Variants in XIRP1 observed in about 807,000 individuals in gnomAD.
XIRP1 encodes xin actin-binding repeat-containing protein 1.
For missense variants in XIRP1, 2,378 were observed against 2,345.4 expected, an observed-to-expected ratio of 1.01 and a Z score of -0.29; for synonymous variants, 984 against 947.0, an observed-to-expected ratio of 1.04 and a Z score of -0.72.
At position 39,185,188 on chromosome 3, in the gene XIRP1, C is replaced by A. The variant is rs1249624821; in HGVS notation, c.4258G>T (p.Ala1420Ser). 16 of 1,612,594 alleles carry A rather than the reference C, an allele frequency of 9.9e-6. No individual in the cohort carries two copies. The highest frequency in any genetic ancestry group is 1.4e-5 in the Non-Finnish European group (16 of 1,179,182). The change falls in exon 2 of 2, where the codon GCC (alanine) becomes TCC (serine). Residue 1420 changes from alanine to serine, a missense_variant. Ala to Ser is a moderately conservative substitution (Grantham distance 99). Transcript: ENST00000340369. The stretch of plus-strand genomic sequence containing the variant: ...AGCTTGGGGGGCTCAGAGCTCTGGG[C>A]ATTGCTGCCTGTAGCCTGATTCTTG... ...PTKNQATGSN[A>S]QSSEPPKLNA...
chr3:39,188,954 T>C lies in XIRP1; in HGVS notation c.492A>G (p.Pro164=), dbSNP rs1406990208. 1.2e-6 allele frequency: 2 copies of C among 1,613,564 alleles called. No individual in the cohort carries two copies. The highest frequency in any genetic ancestry group is 1.7e-6 in the Non-Finnish European group (2 of 1,179,970). ...TGGCTTGCCCTGTCAGCTCGTCCAG[T>C]GGCTTTGTCTCAAATAGCCAGCGGG... The part of the protein sequence containing the change: ...RAARWLFETK[P]LDELTGQAKE... The change falls in exon 2 of 2, where the codon CCA becomes CCG. Residue 164 remains proline (P), a synonymous_variant. Coordinates refer to ENST00000340369, the MANE Select transcript of XIRP1 (RefSeq NM_194293.4).
In XIRP1 at chr3:39,185,653, T is replaced by C; in HGVS notation, c.3793A>G (p.Thr1265Ala). ...PPPPTLPAAV[T>A]GPDFPAGAHR... Reference sequence around the variant, plus strand: ...GCTCCAGCTGGAAAGTCAGGTCCTGTCACAGCAGCTGGGAGAGTAGGAGGA... The same window carrying C: ...GCTCCAGCTGGAAAGTCAGGTCCTGCCACAGCAGCTGGGAGAGTAGGAGGA... The change falls in exon 2 of 2, where the codon ACA (threonine) becomes GCA (alanine). Residue 1265 changes from threonine (T) to alanine (A), a missense_variant. Transcript: ENST00000340369. 1 of 1,613,474 alleles carries C rather than the reference T, an allele frequency of 6.2e-7. No homozygotes were observed. Among genetic ancestry groups the C allele is most frequent in the Non-Finnish European group, 8.5e-7 (1 of 1,179,782 alleles).
At position 39,189,506 on chromosome 3, in the gene XIRP1, A is replaced by T. The variant is rs2271487; in HGVS notation, c.-61T>A. On this transcript the variant is annotated 5_prime_UTR_variant, in exon 2 of 2. Transcript: ENST00000340369. ...TTGGGAGCCTTAGATCTAGATGTTC[A>T]GCAGGGTAGAGGCTGGATGCTGGGA... 14 of 1,523,500 alleles carry T rather than the reference A, an allele frequency of 9.2e-6. No homozygotes were observed. The highest frequency in any genetic ancestry group is 1.3e-5 in the South Asian group (1 of 76,138). 94.4% of individuals were successfully genotyped at this position (1,523,500 alleles called of 1,614,324 possible).
In XIRP1 at chr3:39,185,705, C is replaced by A. The variant is rs770016283; in HGVS notation, c.3741G>T (p.Pro1247=). The change falls in exon 2 of 2, where the codon CCG becomes CCT. Residue 1247 remains proline (P), a synonymous_variant. Coordinates refer to ENST00000340369, the MANE Select transcript of XIRP1 (RefSeq NM_194293.4). ...GAGGAACAAAGGCATTATGGGGGTGCGGGCTGGCACCTGCAGCTTGGGGCC... is the reference window on the plus strand; with the variant it reads ...GAGGAACAAAGGCATTATGGGGGTGAGGGCTGGCACCTGCAGCTTGGGGCC... The part of the protein sequence containing the change: ...ASGPQAAGAS[P]HPHNAFVPPP... 1.2e-6 allele frequency: 2 copies of A among 1,610,734 alleles called. No homozygotes were observed. Among genetic ancestry groups the A allele is most frequent in the Non-Finnish European group, 1.7e-6 (2 of 1,178,378 alleles).
chr3:39,187,028 C>T lies in XIRP1; in HGVS notation c.2418G>A (p.Val806=), dbSNP rs1193470844. 3 of 1,609,454 alleles carry T rather than the reference C, an allele frequency of 1.9e-6. No homozygotes were observed. The African/African-American group carries it at 4.0e-5, about 22-fold the overall frequency. The part of the protein sequence containing the change: ...GPGELCLAKY[V]LSGTGQGHPY... ...GGTGCCCCTGCCCTGTGCCCGAGAG[C>T]ACATACTTGGCAAGACAGAGCTCCC... is the stretch of plus-strand genomic sequence containing the variant. Residue 806 remains valine (V), a synonymous_variant, in exon 2 of 2, where the codon GTG becomes GTA. Coordinates refer to ENST00000340369, the MANE Select transcript of XIRP1 (RefSeq NM_194293.4).
chr3:39,189,506 A>G lies in XIRP1; in HGVS notation c.-61T>C, dbSNP rs2271487. The G allele has an allele frequency of 0.41, 622,344 of 1,523,228 alleles. 129,091 individuals carry two copies. The highest frequency in any genetic ancestry group is 0.46 in the African/African-American group (33,354 of 71,988). The allele number at this position is 1,523,228 out of a possible 1,614,324, so 94.4% of individuals were successfully genotyped here. On this transcript the variant is annotated 5_prime_UTR_variant, in exon 2 of 2. Coordinates refer to ENST00000340369, the MANE Select transcript of XIRP1 (RefSeq NM_194293.4). ...TTGGGAGCCTTAGATCTAGATGTTC[A>G]GCAGGGTAGAGGCTGGATGCTGGGA...
chr3:39,187,894 T>A lies in XIRP1; in HGVS notation c.1552A>T (p.Thr518Ser). ...DVQGYRWMFETQPLDQLGRSP... is the reference protein window; with the variant it reads ...DVQGYRWMFESQPLDQLGRSP... ...CGGCCGAGCTGGTCTAGGGGCTGTG[T>A]CTCAAACATCCACCTGTAGCCCTGC... The change falls in exon 2 of 2, where the codon ACA becomes TCA. Residue 518 changes from threonine to serine, a missense_variant. Transcript: ENST00000340369. 6.2e-7 allele frequency: 1 copy of A among 1,614,198 alleles called. No individual in the cohort carries two copies. The highest frequency in any genetic ancestry group is 1.7e-5 in the Admixed American group (1 of 60,028).
chr3:39,189,242 ATTCTT>A lies in XIRP1; in HGVS notation c.199_203del (p.Lys67SerfsTer3). On this transcript the variant is annotated frameshift_variant, in exon 2 of 2. Coordinates refer to ENST00000340369, the MANE Select transcript of XIRP1 (RefSeq NM_194293.4). LOFTEE classifies it low-confidence loss of function (END_TRUNC). ...GATCCTCGGCCACAGCCTCAGCCAG[ATTCTT>A]GCGGAGCTCAGGGTGGATGTGCCTG... is the stretch of plus-strand genomic sequence containing the variant. The A allele has an allele frequency of 6.2e-7, 1 of 1,614,008 alleles. No individual in the cohort carries two copies. Among genetic ancestry groups the A allele is most frequent in the South Asian group, 1.1e-5 (1 of 91,072 alleles).
In XIRP1 at chr3:39,185,746, G is replaced by A; in HGVS notation, c.3700C>T (p.His1234Tyr). Residue 1234 changes from histidine to tyrosine, a missense_variant, in exon 2 of 2, where the codon CAC becomes TAC. Coordinates refer to ENST00000340369, the MANE Select transcript of XIRP1 (RefSeq NM_194293.4). ...GCTTGGGGCCCAGAGGCCAGAATGTGGCGGCCTAGAGGGGCAGTCTTCAGG... is the reference window on the plus strand; with the variant it reads ...GCTTGGGGCCCAGAGGCCAGAATGTAGCGGCCTAGAGGGGCAGTCTTCAGG... ...TTLKTAPLGR[H>Y]ILASGPQAAG... 2 of 1,608,346 alleles carry A rather than the reference G, an allele frequency of 1.2e-6. No homozygotes were observed. The highest frequency in any genetic ancestry group is 1.7e-6 in the Non-Finnish European group (2 of 1,176,786).
At position 39,186,856 on chromosome 3, in the gene XIRP1, T is replaced by A. The variant is rs765539670; in HGVS notation, c.2590A>T (p.Thr864Ser). ...QLQLKPLRLP[T>S]PGSSGNIEDM... ...TCAATATTCCCACTGCTGCCTGGAGTTGGCAGCCTCAGCGGCTTGAGTTGG... is the reference window on the plus strand; with the variant it reads ...TCAATATTCCCACTGCTGCCTGGAGATGGCAGCCTCAGCGGCTTGAGTTGG... The change falls in exon 2 of 2, where the codon ACT (threonine) becomes TCT (serine). Residue 864 changes from threonine (T) to serine (S), a missense_variant. Physicochemically the swap from Thr to Ser is moderately conservative, Grantham distance 58. Transcript: ENST00000340369. 6.2e-7 allele frequency: 1 copy of A among 1,613,620 alleles called. No homozygotes were observed. Among genetic ancestry groups the A allele is most frequent in the Non-Finnish European group, 8.5e-7 (1 of 1,179,712 alleles).
In XIRP1 at chr3:39,188,204, T is replaced by C. The variant is rs770659310; in HGVS notation, c.1242A>G (p.Leu414=). The part of the protein sequence containing the change: ...RVDPQDGEGH[L]SSDSSSALPF... ...GCAGTGCTGAGGAGCTGTCACTGGATAGATGCCCCTCACCGTCCTGGGGAT... is the reference window on the plus strand; with the variant it reads ...GCAGTGCTGAGGAGCTGTCACTGGACAGATGCCCCTCACCGTCCTGGGGAT... The change falls in exon 2 of 2, where the codon CTA becomes CTG. Residue 414 remains leucine, a synonymous_variant. Coordinates refer to ENST00000340369, the MANE Select transcript of XIRP1 (RefSeq NM_194293.4). The C allele has an allele frequency of 6.2e-7, 1 of 1,614,148 alleles. No individual in the cohort carries two copies. The highest frequency in any genetic ancestry group is 8.5e-7 in the Non-Finnish European group (1 of 1,180,022).
Position 39,187,574 on chromosome 3 carries a change from C to T in XIRP1, c.1872G>A (p.Gln624=). 1 of 1,614,110 alleles carries T rather than the reference C, an allele frequency of 6.2e-7. No homozygotes were observed. Among genetic ancestry groups the T allele is most frequent in the Non-Finnish European group, 8.5e-7 (1 of 1,180,040 alleles). The change falls in exon 2 of 2, where the codon CAG becomes CAA. Residue 624 remains glutamine (Q), a synonymous_variant. Transcript: ENST00000340369. Reference sequence around the variant, plus strand: ...GGGGCTTGAACATCCAGGTGCAGGACTGTGCCTCAGCCTTGGCTGTGGGAT... The same window carrying T: ...GGGGCTTGAACATCCAGGTGCAGGATTGTGCCTCAGCCTTGGCTGTGGGAT... The part of the protein sequence containing the change: ...VTDPTAKAEA[Q]SCTWMFKPQP...
In XIRP1 at chr3:39,185,577, G is replaced by A. The variant is rs2039952265; in HGVS notation, c.3869C>T (p.Pro1290Leu). Reference sequence around the variant, plus strand: ...AGGGCTGCTGTGGGAGTGAAGAAGGGGGTCCTTCAGGGGCTCAGAGGCTTG... The same window carrying A: ...AGGGCTGCTGTGGGAGTGAAGAAGGAGGTCCTTCAGGGGCTCAGAGGCTTG... ...IQQASEPLKD[P>L]LLHSHSSPAG... The change falls in exon 2 of 2, where the codon CCC becomes CTC. Residue 1290 changes from proline to leucine, a missense_variant. Transcript: ENST00000340369. 1.3e-6 allele frequency: 2 copies of A among 1,587,266 alleles called. No homozygotes were observed. Among genetic ancestry groups the A allele is most frequent in the Non-Finnish European group, 1.7e-6 (2 of 1,165,562 alleles).
Position 39,185,839 on chromosome 3 carries a change from C to A in XIRP1, c.3607G>T (p.Ala1203Ser), listed in dbSNP as rs558731277. The change falls in exon 2 of 2, where the codon GCC (alanine) becomes TCC (serine). Residue 1203 changes from alanine to serine, a missense_variant. By Grantham distance (99) the Ala-to-Ser change is moderately conservative. Coordinates refer to ENST00000340369, the MANE Select transcript of XIRP1 (RefSeq NM_194293.4). ...ATCGCCTTCCCTGGTGGCCCCCAGG[C>A]CATCTGTGTGCAGCCCCCAGGCTCC... ...REEPGGCTQM[A>S]WGPPGKAMAE... 2 of 1,613,744 alleles carry A rather than the reference C, an allele frequency of 1.2e-6. No homozygotes were observed. The highest frequency in any genetic ancestry group is 1.3e-5 in the African/African-American group (1 of 75,020).
At position 39,185,426 on chromosome 3, in the gene XIRP1, C is replaced by T. The variant is rs2039948224; in HGVS notation, c.4020G>A (p.Gln1340=). ...ATAGAGGCAAGGGCTTGGGCAGCCT[C>T]TGAGGAGGGTGGCTCTGGGTTAGGT... The part of the protein sequence containing the change: ...PAHLTQSHPP[Q]RLPKPLPLSP... The change falls in exon 2 of 2, where the codon CAG becomes CAA. Residue 1340 remains glutamine, a synonymous_variant. Transcript: ENST00000340369. 5 of 1,611,728 alleles carry T rather than the reference C, an allele frequency of 3.1e-6. No homozygotes were observed. The highest frequency in any genetic ancestry group is 2.5e-6 in the Non-Finnish European group (3 of 1,178,670).
In XIRP1 at chr3:39,186,994, G is replaced by T. The variant is rs367750259; in HGVS notation, c.2452C>A (p.Arg818=). The T allele has an allele frequency of 1.8e-5, 29 of 1,604,530 alleles. No homozygotes were observed. The highest frequency in any genetic ancestry group is 6.6e-5 in the South Asian group (6 of 90,916). The change falls in exon 2 of 2, where the codon CGA becomes AGA. Residue 818 remains arginine, a synonymous_variant. Transcript: ENST00000340369. ...TCACCTGACACCAGCTCCTCCTTTC[G>T]TATATAAGGGTGCCCCTGCCCTGTG... The part of the protein sequence containing the change: ...SGTGQGHPYI[R]KEELVSGELP...
At chr3:39,190,955 C>A (rs2040078593) in intron 1 of XIRP1, among the ~76,000 whole-genome samples, 1 of 152,212 alleles carries the variant, frequency 6.6e-6, no homozygotes, top group African/African-American at 2.4e-5. Context: ...CCCTATCCTG[C>A]CTCCTGGGCT....
Position 39,186,717 on chromosome 3 carries a change from T to C in XIRP1, c.2729A>G (p.Tyr910Cys). 6.2e-7 allele frequency: 1 copy of C among 1,613,920 alleles called. No individual in the cohort carries two copies. Among genetic ancestry groups the C allele is most frequent in the South Asian group, 1.1e-5 (1 of 91,088 alleles). The change falls in exon 2 of 2, where the codon TAC becomes TGC. Residue 910 changes from tyrosine to cysteine, a missense_variant. By Grantham distance (194) the Tyr-to-Cys change is radical. Transcript: ENST00000340369. ...GCTAGTTAGCCGGGGCTGCAGAGAG[T>C]AGGCAGTCAGTGCGACCAGGCCCTG... The part of the protein sequence containing the change: ...TEQGLVALTA[Y>C]SLQPRLTSKA...
Position 39,187,077 on chromosome 3 carries a change from A to T in XIRP1, c.2369T>A (p.Ile790Asn), listed in dbSNP as rs752253682. 7 of 1,613,294 alleles carry T rather than the reference A, an allele frequency of 4.3e-6. No individual in the cohort carries two copies. In the Admixed American group the frequency reaches 1.0e-4, roughly 23 times the overall value. Residue 790 changes from isoleucine (I) to asparagine (N), a missense_variant, in exon 2 of 2, where the codon ATC becomes AAC. Ile to Asn is a moderately radical substitution (Grantham distance 149, BLOSUM62 -3). Transcript: ENST00000340369. ...ATPGILHHGGILMEARGPGEL... is the reference protein window; with the variant it reads ...ATPGILHHGGNLMEARGPGEL... Reference sequence around the variant, plus strand: ...CCCTGGCCCTCGGGCCTCCATGAGGATGCCTCCATGGTGCAGGATGCCAGG... The same window carrying T: ...CCCTGGCCCTCGGGCCTCCATGAGGTTGCCTCCATGGTGCAGGATGCCAGG...
Sources: allele counts gnomAD v4.1 joint callset (sites outside exome capture counted in the v4.1 genomes callset), GRCh38; gene constraint gnomAD v4.1.1; transcripts MANE v1.5; gene names NCBI Gene and HGNC (gene_info 2026-07-23, HGNC 2026-07-21).